The following GALNT10 variants were observed in gnomAD, a reference collection of about 807,000 sequenced individuals.
The protein encoded by GALNT10 is GalNAc transferase 10.
A neutral mutation model predicts 75.0 loss-of-function variants in GALNT10; 41 were observed. The observed-to-expected ratio is 0.55, with a 90% confidence interval of 0.43 to 0.71. The LOEUF is 0.71. Ranked by LOEUF, GALNT10 falls within the 30% of genes least tolerant of loss-of-function variation. The probability of loss-of-function intolerance (pLI) is 0.00; values close to 1 mark genes in which losing one functional copy is unlikely to be tolerated. For missense variants in GALNT10, 727 were observed against 818.5 expected, an observed-to-expected ratio of 0.89 and a Z score of 1.36; for synonymous variants, 302 against 313.0, an observed-to-expected ratio of 0.96 and a Z score of 0.37.
chr5:154,405,871 C>T (rs1481364133), intron 8 of GALNT10, among the ~76,000 whole-genome samples: 1 of 100,482 alleles, frequency 1.0e-5, no homozygotes, highest in Admixed American at 1.2e-4. Context: ...GTTGTTGTTG[C>T]TGTTGTTTTT....
chr5:154,312,942 C>T (rs757734669), intron 3 of GALNT10, among the ~76,000 whole-genome samples: 8 of 152,156 alleles, frequency 5.3e-5, no homozygotes, highest in Non-Finnish European at 1.0e-4. Flanking sequence ...TTGCATGTTA[C>T]ATCTGTAGGA....
At position 154,222,294 on chromosome 5, in the gene GALNT10, A is replaced by G. The variant is rs996295666; in HGVS notation, c.159+31269A>G. On this transcript the variant is annotated intron_variant, in intron 1 of 11. Transcript: ENST00000297107. ...GACATTCATCCATGTTCTTGTGTGT[A>G]TCAACAGTGCATTCTTTATTGCTGA... Among the ~76,000 whole-genome samples the G allele has an allele frequency of 1.3e-5, 2 of 149,724 alleles. 1 individual carries two copies. Among genetic ancestry groups the G allele is most frequent in the South Asian group, 4.2e-4 (2 of 4,772 alleles).
intron 1 of GALNT10, among the ~76,000 whole-genome samples, chr5:154,224,778 C>CTTTTTTT (rs549615789): frequency 5.1e-5 from 6 of 117,596 alleles, no homozygotes; most frequent in East Asian, 5.2e-4. Flanking sequence ...AAGCTCACTT[C>CTTTTTTT]TTTTTTTTTT....
rs1268373860 is a variant in GALNT10, at chr5:154,380,453, A to G, written c.760A>G (p.Ile254Val). The part of the protein sequence containing the change: ...VNWLPPLLDR[I>V]ARNRKTIVCP... ...GCATCTCTTGGCTTCTTCAGACCGCATTGCTCGGAACCGCAAGACCATTGT... is the reference window on the plus strand; with the variant it reads ...GCATCTCTTGGCTTCTTCAGACCGCGTTGCTCGGAACCGCAAGACCATTGT... The change falls in exon 6 of 12, where the codon ATT (isoleucine) becomes GTT (valine). Residue 254 changes from isoleucine (I) to valine (V), a missense_variant. Coordinates refer to ENST00000297107, the MANE Select transcript of GALNT10 (RefSeq NM_198321.4). 1 of 1,613,416 alleles carries G rather than the reference A, an allele frequency of 6.2e-7. No individual in the cohort carries two copies. Among genetic ancestry groups the G allele is most frequent in the Admixed American group, 1.7e-5 (1 of 59,990 alleles).
chr5:154,381,376 C>T (rs993347798), intron 6 of GALNT10, among the ~76,000 whole-genome samples: 2 of 152,156 alleles, frequency 1.3e-5, no homozygotes, highest in Non-Finnish European at 2.9e-5. Flanking sequence ...CTCTGGTGCT[C>T]CAAGCTCTGG....
At chr5:154,345,834 A>G (rs1755114022) in intron 4 of GALNT10, among the ~76,000 whole-genome samples, 1 of 148,168 alleles carries the variant, frequency 6.7e-6, no homozygotes, top group Non-Finnish European at 1.5e-5. Flanking sequence ...TTGTAGAGCC[A>G]GGGTTTCACC....
At chr5:154,238,381 C>G (rs1028678031) in intron 1 of GALNT10, among the ~76,000 whole-genome samples, 4 of 151,496 alleles carry the variant, frequency 2.6e-5, no homozygotes, top group African/African-American at 9.7e-5. Flanking sequence ...TTGCATAGCA[C>G]TTTCTCTGGT....
chr5:154,370,443 G>A (rs1581996203), intron 4 of GALNT10, among the ~76,000 whole-genome samples: 1 of 152,326 alleles, frequency 6.6e-6, no homozygotes, highest in South Asian at 2.1e-4. Flanking sequence ...CATCAGGAAA[G>A]GCTTTGTAAG....
At chr5:154,360,976 G>A (rs1755376794) in intron 4 of GALNT10, among the ~76,000 whole-genome samples, 1 of 152,144 alleles carries the variant, frequency 6.6e-6, no homozygotes, top group South Asian at 2.1e-4. Context: ...CTTAAGAAAT[G>A]CACCCTTTTA....
chr5:154,269,366 T>A (rs153431), intron 1 of GALNT10, among the ~76,000 whole-genome samples: 37,134 of 152,054 alleles, frequency 0.24, 5,514 homozygotes, highest in African/African-American at 0.42. Flanking sequence ...TTGTGAATAC[T>A]TAATTTTTAA....
intron 6 of GALNT10, among the ~76,000 whole-genome samples, chr5:154,385,166 G>C (rs1022266062): frequency 6.6e-6 from 1 of 152,190 alleles, no homozygotes; most frequent in Non-Finnish European, 1.5e-5. Flanking sequence ...GTTTGGATTT[G>C]AGGGTTTGGA....
At chr5:154,387,715 T>C (rs1429827736) in intron 7 of GALNT10, 1 of 152,030 alleles carries the variant, frequency 6.6e-6, no homozygotes, top group Non-Finnish European at 1.5e-5. Flanking sequence ...GCTTATTAGG[T>C]GCTTCTTAAT....
At chr5:154,315,778 G>A (rs1049867990) in intron 3 of GALNT10, among the ~76,000 whole-genome samples, 2 of 152,210 alleles carry the variant, frequency 1.3e-5, no homozygotes, top group Non-Finnish European at 2.9e-5. Context: ...AGAAGGGAAG[G>A]CATGGGCAAG....
intron 1 of GALNT10, among the ~76,000 whole-genome samples, chr5:154,241,115 T>G (rs1190646582): frequency 6.6e-6 from 1 of 152,202 alleles, no homozygotes; most frequent in African/African-American, 2.4e-5. Context: ...TTCCTGTCAT[T>G]CTCGCTTTTG....
At chr5:154,283,132 T>G (rs1754061653) in intron 1 of GALNT10, among the ~76,000 whole-genome samples, 1 of 152,086 alleles carries the variant, frequency 6.6e-6, no homozygotes, top group African/African-American at 2.4e-5. Context: ...ACACCATATA[T>G]CTAAGAAATC....
intron 6 of GALNT10, among the ~76,000 whole-genome samples, chr5:154,384,224 G>A (rs1015602877): frequency 1.3e-5 from 2 of 152,056 alleles, no homozygotes; most frequent in African/African-American, 2.4e-5. Flanking sequence ...GTAGCCAACC[G>A]TATCACTAGC....
chr5:154,351,534 C>T (rs1208129497), intron 4 of GALNT10, among the ~76,000 whole-genome samples: 1 of 152,196 alleles, frequency 6.6e-6, no homozygotes, highest in African/African-American at 2.4e-5. Context: ...AAATATCCAA[C>T]ATAGTAAACA....
At chr5:154,315,047 G>C (rs1754576745) in intron 3 of GALNT10, among the ~76,000 whole-genome samples, 1 of 151,998 alleles carries the variant, frequency 6.6e-6, no homozygotes, top group Non-Finnish European at 1.5e-5. Context: ...CTATGACCTG[G>C]AAGTCCAGGT....
chr5:154,296,416 A>C (rs1463687666), intron 2 of GALNT10, among the ~76,000 whole-genome samples: 1 of 152,186 alleles, frequency 6.6e-6, no homozygotes, highest in Non-Finnish European at 1.5e-5. Context: ...AAATTAAGAA[A>C]GAAAACATTT....
Sources: gnomAD v4.1 joint callset for allele counts (sites outside exome capture counted in the v4.1 genomes callset) on GRCh38, gnomAD v4.1.1 for gene constraint, MANE v1.5 for transcripts, NCBI Gene and HGNC (gene_info 2026-07-23, HGNC 2026-07-21) for gene names.